Variants in SMPD3 observed in about 807,000 individuals in gnomAD.
SMPD3 encodes the protein nSMase-2.
Under a neutral mutation model 55.7 loss-of-function variants are expected in SMPD3, and 21 were observed. That is an observed-to-expected ratio of 0.38 (90% CI 0.27 to 0.54). The LOEUF is 0.54. SMPD3 is among the 20% of genes least tolerant of loss of function. The pLI is 0.80. For missense variants in SMPD3, 842 were observed against 899.6 expected (o/e 0.94, Z 0.82); for synonymous variants, 457 against 404.3 (o/e 1.13, Z -1.56).
rs77971654 is a variant in SMPD3 at position 68,371,522 on chromosome 16, G to A, written c.660C>T (p.Pro220=). ...CTGGGCCGTTGGCAGCCTCGTCACCGGGGTGCCGCCCACCGTCACCCTTGT... is the reference window on the plus strand; with the variant it reads ...CTGGGCCGTTGGCAGCCTCGTCACCAGGGTGCCGCCCACCGTCACCCTTGT... The part of the protein sequence containing the change: ...VEYKGDGGRH[P]GDEAANGPAS... The change falls in exon 3 of 9, where the codon CCC becomes CCT. Residue 220 remains proline (P), a synonymous_variant. Transcript: ENST00000219334. 5.7e-4 allele frequency: 919 copies of A among 1,600,426 alleles called. 8 individuals are homozygous for A. The African/African-American group carries it at 0.011, about 20-fold the overall frequency.
intron 1 of SMPD3, among the ~76,000 whole-genome samples, chr16:68,446,525 C>A (rs1816129): frequency 0.77 from 116,141 of 151,258 alleles, 44,815 homozygotes; most frequent in East Asian, 0.88. Context: ...ACACACAGCC[C>A]GAAGCGCAAG....
chr16:68,365,457 T>G (rs1306074159), intron 3 of SMPD3, among the ~76,000 whole-genome samples: 2 of 152,074 alleles, frequency 1.3e-5, no homozygotes, highest in Non-Finnish European at 2.9e-5. Context: ...TGTGGCTCTT[T>G]CCTCCCTCCC....
Position 68,371,798 on chromosome 16 carries a change from A to G in SMPD3, c.384T>C (p.Thr128=). ...TGPGKSFCFA[T]ANVCLLPDSL... is the part of the protein sequence containing the mutation. ...AGTCGGGCAGGAGGCAGACGTTGGCAGTGGCAAAGCAGAAGCTTTTGCCAG... is the reference window on the plus strand; with the variant it reads ...AGTCGGGCAGGAGGCAGACGTTGGCGGTGGCAAAGCAGAAGCTTTTGCCAG... The change falls in exon 3 of 9, where the codon ACT becomes ACC. Residue 128 remains threonine, a synonymous_variant. Coordinates refer to ENST00000219334, the MANE Select transcript of SMPD3 (RefSeq NM_018667.4). 1 of 1,609,520 alleles carries G rather than the reference A, an allele frequency of 6.2e-7. No individual in the cohort carries two copies. Among genetic ancestry groups the G allele is most frequent in the Non-Finnish European group, 8.5e-7 (1 of 1,178,302 alleles).
chr16:68,393,847 C>T (rs2090133225), intron 1 of SMPD3, among the ~76,000 whole-genome samples: 1 of 152,210 alleles, frequency 6.6e-6, no homozygotes, highest in African/African-American at 2.4e-5. Context: ...ACTTTGCTTT[C>T]CCCTACTTGC....
At chr16:68,412,682 C>T (rs1597655011) in intron 1 of SMPD3, among the ~76,000 whole-genome samples, 1 of 152,326 alleles carries the variant, frequency 6.6e-6, no homozygotes, top group East Asian at 1.9e-4. Flanking sequence ...TGTGCGAGAT[C>T]ATCACAGTGA....
rs142328342 is a variant in SMPD3 at position 68,371,792 on chromosome 16, G to A, written c.390C>T (p.Asn130=). The A allele has an allele frequency of 3.3e-5, 53 of 1,609,392 alleles. No individual in the cohort carries two copies. Among genetic ancestry groups the A allele is most frequent in the East Asian group, 6.7e-5 (3 of 44,724 alleles). The change falls in exon 3 of 9, where the codon AAC becomes AAT. Residue 130 remains asparagine (N), a synonymous_variant. Coordinates refer to ENST00000219334, the MANE Select transcript of SMPD3 (RefSeq NM_018667.4). ...CGAGTGAGTCGGGCAGGAGGCAGAC[G>A]TTGGCAGTGGCAAAGCAGAAGCTTT... The part of the protein sequence containing the change: ...PGKSFCFATA[N]VCLLPDSLAR...
intron 3 of SMPD3, among the ~76,000 whole-genome samples, 188 bp from the exon 4 acceptor site, chr16:68,365,280 G>C (rs149669902): frequency 1.1e-4 from 17 of 152,188 alleles, no homozygotes; most frequent in Non-Finnish European, 2.2e-4. Context: ...GGCCAGAGGC[G>C]GGTGCTGAAA....
intron 2 of SMPD3, among the ~76,000 whole-genome samples, chr16:68,374,005 C>A (rs1296904118): frequency 6.6e-6 from 1 of 152,254 alleles, no homozygotes; most frequent in Non-Finnish European, 1.5e-5. Context: ...CCACCGGTGG[C>A]TCTCATCCCC....
intron 1 of SMPD3, among the ~76,000 whole-genome samples, chr16:68,419,247 G>C (rs1361228503): frequency 6.6e-6 from 1 of 152,224 alleles, no homozygotes; most frequent in Admixed American, 6.5e-5. Flanking sequence ...AATGAGACAG[G>C]AAGAAGTCAA....
At chr16:68,367,782 T>G (rs1025527122) in intron 3 of SMPD3, 3 of 152,262 alleles carry the variant, frequency 2.0e-5, no homozygotes, top group Middle Eastern at 3.2e-3. Flanking sequence ...CAGAGCCTTG[T>G]GTTTCTCTTG....
chr16:68,364,184 A>C (rs2089405205), intron 5 of SMPD3, among the ~76,000 whole-genome samples: 1 of 152,208 alleles, frequency 6.6e-6, no homozygotes, highest in Non-Finnish European at 1.5e-5. Flanking sequence ...GGATCCACAG[A>C]TCAGTTATTT....
At chr16:68,361,797 C>T (rs1045705981) in intron 7 of SMPD3, 38 bp from the exon 8 acceptor site, 9 of 1,603,938 alleles carry the variant, frequency 5.6e-6, no homozygotes, top group Non-Finnish European at 7.6e-6. Flanking sequence ...GCCCCCATGC[C>T]CGCCCCTGTG....
chr16:68,383,803 A>G (rs1023827434), intron 2 of SMPD3, among the ~76,000 whole-genome samples: 3 of 151,704 alleles, frequency 2.0e-5, no homozygotes, highest in Non-Finnish European at 1.5e-5. Context: ...CCACTTCCCC[A>G]CATACAATTC....
Position 68,372,210 on chromosome 16 carries a change from C to A in SMPD3, c.-29G>T. 7 of 1,603,602 alleles carry A rather than the reference C, an allele frequency of 4.4e-6. No homozygotes were observed. The highest frequency in any genetic ancestry group is 1.3e-5 in the African/African-American group (1 of 75,000). ...AGCTCACTGGGCGCCGCAGCCGGCC[C>A]TACTACATGGTGTCCGTGGCAGCTG... On this transcript the variant is annotated 5_prime_UTR_variant, in exon 3 of 9. It adds an upstream start codon to the 5' untranslated region. Transcript: ENST00000219334.
Position 68,363,880 on chromosome 16 carries a change from G to C in SMPD3, c.1556-14C>G. ...CCAGCTTGTCGTCTGTGCGGGGAGG[G>C]AGGAAACGCTGAGGCACCAGGGGGC... On this transcript the variant is annotated splice_polypyrimidine_tract_variant and intron_variant, in intron 5 of 8. Coordinates refer to ENST00000219334, the MANE Select transcript of SMPD3 (RefSeq NM_018667.4). 6.4e-7 allele frequency: 1 copy of C among 1,552,636 alleles called. No individual in the cohort carries two copies. Among genetic ancestry groups the C allele is most frequent in the Non-Finnish European group, 8.7e-7 (1 of 1,148,210 alleles).
At chr16:68,396,309 A>T (rs2090156952) in intron 1 of SMPD3, among the ~76,000 whole-genome samples, 1 of 151,158 alleles carries the variant, frequency 6.6e-6, no homozygotes, top group Non-Finnish European at 1.5e-5. Flanking sequence ...CGATCCTTCT[A>T]CCTGGCCTGG....
intron 2 of SMPD3, among the ~76,000 whole-genome samples, chr16:68,378,247 G>A (rs1203779115): frequency 5.3e-5 from 8 of 152,200 alleles, no homozygotes; most frequent in Admixed American, 3.9e-4. Context: ...AGCTCAGGCC[G>A]GGCCATTTCT....
At chr16:68,402,748 G>C (rs1175568335) in intron 1 of SMPD3, among the ~76,000 whole-genome samples, 1 of 152,226 alleles carries the variant, frequency 6.6e-6, no homozygotes, top group African/African-American at 2.4e-5. Context: ...CAGAATCAAG[G>C]TTCAAGGTGA....
At chr16:68,446,346 A>G (rs779166955) in intron 1 of SMPD3, among the ~76,000 whole-genome samples, 20 of 152,140 alleles carry the variant, frequency 1.3e-4, no homozygotes, top group Non-Finnish European at 2.5e-4. Flanking sequence ...GCACAAAGCA[A>G]CCTGAAGCTA....
Sources: allele counts gnomAD v4.1 joint callset (sites outside exome capture counted in the v4.1 genomes callset), GRCh38; gene constraint gnomAD v4.1.1; transcripts MANE v1.5; gene names NCBI Gene and HGNC (gene_info 2026-07-23, HGNC 2026-07-21).